GRIA1: variants seen among roughly 807,000 people sequenced by gnomAD.
The protein encoded by GRIA1 is glutamate ionotropic receptor AMPA type subunit 1.
In GRIA1, 31 loss-of-function variants were observed where a neutral mutation model predicts 99.2. The observed-to-expected ratio is 0.31, with a 90% CI of 0.23 to 0.42. The LOEUF is 0.42. GRIA1 is among the 10% of genes least tolerant of loss of function. The probability of loss-of-function intolerance (pLI) is 1.00; values close to 1 mark genes in which losing one functional copy is unlikely to be tolerated. For missense variants in GRIA1, 782 were observed against 1,157.5 expected (o/e 0.68, Z 4.71); for synonymous variants, 438 against 432.4 (o/e 1.01, Z -0.16).
intron 7 of GRIA1, among the ~76,000 whole-genome samples, chr5:153,682,978 G>A (rs1757085358): frequency 6.6e-6 from 1 of 152,220 alleles, no homozygotes; most frequent in Non-Finnish European, 1.5e-5. Flanking sequence ...GGAAGCCCAA[G>A]GTTAATTCTC....
rs1258232360 is a variant in GRIA1 at position 153,591,569 on chromosome 5, A to T, written c.221-55359A>T. Among the ~76,000 whole-genome samples the T allele has an allele frequency of 2.6e-5, 4 of 152,344 alleles. No individual in the cohort carries two copies. The South Asian group carries it at 8.3e-4, about 32-fold the overall frequency. On this transcript the variant is annotated intron_variant, in intron 2 of 15. Coordinates refer to ENST00000285900, the MANE Select transcript of GRIA1 (RefSeq NM_000827.4). ...TCACTCAACTGTGAGCTCCTAGAGG[A>T]CATAGGTAAAATCTGTTTTGTTCAC...
intron 11 of GRIA1, among the ~76,000 whole-genome samples, chr5:153,736,386 G>A (rs1761379539): frequency 6.6e-6 from 1 of 152,200 alleles, no homozygotes; most frequent in Non-Finnish European, 1.5e-5. Flanking sequence ...AAGAGAAGAA[G>A]CATTAACCAA....
chr5:153,740,675 A>G (rs958931597), intron 11 of GRIA1, among the ~76,000 whole-genome samples: 5 of 152,222 alleles, frequency 3.3e-5, no homozygotes, highest in African/African-American at 1.2e-4. Flanking sequence ...CCTTTTATGC[A>G]CAAGGCAAAA....
intron 11 of GRIA1, among the ~76,000 whole-genome samples, chr5:153,712,554 G>A (rs1352664189): frequency 2.8e-5 from 4 of 143,956 alleles, no homozygotes; most frequent in Non-Finnish European, 6.2e-5. Context: ...ATCCCAGCAA[G>A]AGCTGTGCAA....
intron 2 of GRIA1, among the ~76,000 whole-genome samples, chr5:153,494,828 C>A (rs183372205): frequency 3.3e-5 from 5 of 152,294 alleles, no homozygotes; most frequent in African/African-American, 1.2e-4. Flanking sequence ...AATCAGGAAA[C>A]ATATTTTCCC....
chr5:153,559,986 A>C (rs1334545339), intron 2 of GRIA1, among the ~76,000 whole-genome samples: 1 of 151,270 alleles, frequency 6.6e-6, no homozygotes, highest in Non-Finnish European at 1.5e-5. Flanking sequence ...TGCTGTTTAC[A>C]AAGTTTACTC....
At chr5:153,754,176 T>A (rs1156820420) in intron 11 of GRIA1, among the ~76,000 whole-genome samples, 1 of 152,134 alleles carries the variant, frequency 6.6e-6, no homozygotes, top group Non-Finnish European at 1.5e-5. Flanking sequence ...GCGTTTAGTA[T>A]GGAGCTGGGA....
chr5:153,703,764 A>G (rs1045096368), intron 10 of GRIA1, among the ~76,000 whole-genome samples: 6 of 152,200 alleles, frequency 3.9e-5, no homozygotes, highest in African/African-American at 1.4e-4. Flanking sequence ...ATATGGATCA[A>G]TGATTTCCAG....
chr5:153,719,348 C>T (rs1453603171), intron 11 of GRIA1, among the ~76,000 whole-genome samples: 1 of 152,034 alleles, frequency 6.6e-6, no homozygotes, highest in Admixed American at 6.6e-5. Context: ...TCATGGATTT[C>T]ATGGGTCAGG....
intron 2 of GRIA1, among the ~76,000 whole-genome samples, chr5:153,547,532 C>T (rs984846762): frequency 1.3e-5 from 2 of 152,154 alleles, no homozygotes; most frequent in Admixed American, 1.3e-4. Context: ...CTTCTTATTC[C>T]CCATGTGGGA....
In GRIA1 at chr5:153,514,271, A is replaced by G. The variant is rs142923472; in HGVS notation, c.220+20206A>G. Among the ~76,000 whole-genome samples the G allele has an allele frequency of 1.5e-3, 230 of 152,324 alleles. 1 individual carries two copies. The highest frequency in any genetic ancestry group is 0.01 in the Middle Eastern group (3 of 294). ...ATGCAAGAAATCATTATCCAGACCA[A>G]TGTCACATGGTTTTTCCCCTATGTT... On this transcript the variant is annotated intron_variant, in intron 2 of 15. Coordinates refer to ENST00000285900, the MANE Select transcript of GRIA1 (RefSeq NM_000827.4).
intron 2 of GRIA1, among the ~76,000 whole-genome samples, chr5:153,610,480 CGTT>C (rs535804310): frequency 2.0e-5 from 3 of 152,162 alleles, no homozygotes; most frequent in South Asian, 2.1e-4. Flanking sequence ...TTGTTGTTAT[CGTT>C]GTTGTTGTTT....
chr5:153,689,631 T>C (rs927871273), intron 8 of GRIA1, among the ~76,000 whole-genome samples: 5 of 152,280 alleles, frequency 3.3e-5, no homozygotes, highest in African/African-American at 1.2e-4. Context: ...CATCCAGCTG[T>C]GTGGCCTTCA....
intron 2 of GRIA1, among the ~76,000 whole-genome samples, chr5:153,549,676 A>G (rs1194970938): frequency 6.6e-6 from 1 of 152,160 alleles, no homozygotes; most frequent in Non-Finnish European, 1.5e-5. Flanking sequence ...CCTTTTCAAA[A>G]ATTTTCCAGG....
At chr5:153,508,111 C>G (rs866708330) in intron 2 of GRIA1, among the ~76,000 whole-genome samples, 20 of 152,116 alleles carry the variant, frequency 1.3e-4, no homozygotes, top group Middle Eastern at 3.2e-3. Flanking sequence ...ACAAACATAG[C>G]CAAATAGAGT....
chr5:153,789,335 A>ATATATATC (rs1554128460), intron 13 of GRIA1, among the ~76,000 whole-genome samples: 1 of 148,582 alleles, frequency 6.7e-6, no homozygotes, highest in African/African-American at 2.4e-5. Context: ...ATATATATAT[A>ATATATATC]TCTCCTACAT....
At chr5:153,748,973 C>G (rs1581591341) in intron 11 of GRIA1, among the ~76,000 whole-genome samples, 1 of 151,902 alleles carries the variant, frequency 6.6e-6, no homozygotes, top group Non-Finnish European at 1.5e-5. Flanking sequence ...GGCCATGTGT[C>G]CGGAGGAGAT....
intron 2 of GRIA1, among the ~76,000 whole-genome samples, chr5:153,509,062 C>T (rs917750856): frequency 1.3e-5 from 2 of 152,164 alleles, no homozygotes; most frequent in Non-Finnish European, 2.9e-5. Context: ...GCAAGGTATG[C>T]AGCTAAACCT....
chr5:153,563,552 A>C (rs767698865), intron 2 of GRIA1, among the ~76,000 whole-genome samples: 2 of 152,216 alleles, frequency 1.3e-5, no homozygotes, highest in Non-Finnish European at 2.9e-5. Context: ...AAAAAAATTA[A>C]ACAACATGAA....
Sources: allele counts gnomAD v4.1 joint callset (sites outside exome capture counted in the v4.1 genomes callset), GRCh38; gene constraint gnomAD v4.1.1; transcripts MANE v1.5; gene names NCBI Gene and HGNC (gene_info 2026-07-23, HGNC 2026-07-21).